NEDD4L: variants seen among roughly 807,000 people sequenced by gnomAD.
NEDD4L encodes E3 ubiquitin-protein ligase NEDD4-like.
A neutral mutation model predicts 148.9 loss-of-function variants in NEDD4L; 54 were observed. The ratio of observed to expected loss-of-function variants is 0.36; its 90% CI spans 0.29 to 0.45. NEDD4L has a LOEUF of 0.45. NEDD4L is among the 20% of genes least tolerant of loss of function. The pLI, the probability that NEDD4L is intolerant of heterozygous loss-of-function variation, is 1.00. For missense variants in NEDD4L, 856 were observed against 1,233.8 expected (o/e 0.69, Z 4.59); for synonymous variants, 433 against 440.7 (o/e 0.98, Z 0.22).
rs141724435 is a variant in NEDD4L, at chr18:58,272,364, A to T, written c.297+20310A>T. Among the ~76,000 whole-genome samples the T allele has an allele frequency of 1.8e-3, 269 of 152,298 alleles. 3 individuals carry two copies. Among genetic ancestry groups the T allele is most frequent in the African/African-American group, 6.2e-3 (256 of 41,574 alleles). On this transcript the variant is annotated intron_variant, in intron 5 of 30. Coordinates refer to ENST00000400345, the MANE Select transcript of NEDD4L (RefSeq NM_001144967.3). ...ATTATTTAATCCAAAGGCCAGGCGT[A>T]GTGACTCACACCTGTAATCCCAGCG...
intron 1 of NEDD4L, among the ~76,000 whole-genome samples, chr18:58,141,723 A>T (rs1204028510): frequency 6.6e-6 from 1 of 152,224 alleles, no homozygotes; most frequent in Non-Finnish European, 1.5e-5. Context: ...ATATATGTGC[A>T]TGCGTCTCAT....
At chr18:58,241,683 T>C (rs2046657682) in intron 2 of NEDD4L, among the ~76,000 whole-genome samples, 1 of 151,978 alleles carries the variant, frequency 6.6e-6, no homozygotes, top group African/African-American at 2.4e-5. Context: ...CACAATCATG[T>C]TTTCATTTCT....
At position 58,347,124 on chromosome 18, in the gene NEDD4L, C is replaced by T. The variant is rs538077113; in HGVS notation, c.1576-2413C>T. On this transcript the variant is annotated intron_variant, in intron 16 of 30. Coordinates refer to ENST00000400345, the MANE Select transcript of NEDD4L (RefSeq NM_001144967.3). ...GCCACTTTAGCAGATCTTTGAAATT[C>T]GGTTGACTTTATACTTCATGCTCTG... is the stretch of plus-strand genomic sequence containing the variant. Among the ~76,000 whole-genome samples the T allele has an allele frequency of 3.3e-5, 5 of 150,262 alleles. No homozygotes were observed. The East Asian group carries it at 7.8e-4, about 24-fold the overall frequency.
chr18:58,248,275 T>C (rs371842082), intron 3 of NEDD4L, among the ~76,000 whole-genome samples: 44 of 152,328 alleles, frequency 2.9e-4, no homozygotes, highest in African/African-American at 1.0e-3. Context: ...TTGTGAGATG[T>C]ACATTTAAGT....
At chr18:58,280,266 G>T (rs1401778900) in intron 5 of NEDD4L, among the ~76,000 whole-genome samples, 1 of 151,966 alleles carries the variant, frequency 6.6e-6, no homozygotes, top group Non-Finnish European at 1.5e-5. Context: ...ACTGTCCAGC[G>T]CATTCCACTG....
intron 2 of NEDD4L, among the ~76,000 whole-genome samples, chr18:58,208,014 G>T (rs766612502): frequency 9.2e-5 from 14 of 152,258 alleles, no homozygotes; most frequent in Non-Finnish European, 1.9e-4. Context: ...CTGCACTCCA[G>T]CCTGAGTGAC....
At chr18:58,172,357 T>A (rs1324385982) in intron 2 of NEDD4L, among the ~76,000 whole-genome samples, 1 of 152,204 alleles carries the variant, frequency 6.6e-6, no homozygotes, top group African/African-American at 2.4e-5. Context: ...TCCTTGGTGT[T>A]TGGCCATGGT....
rs899539955 is a variant in NEDD4L, at chr18:58,391,380, C to T, written c.2753-107C>T. The T allele has an allele frequency of 5.8e-6, 5 of 861,570 alleles. No individual in the cohort carries two copies. The African/African-American group carries it at 8.4e-5, about 14-fold the overall frequency. 53.4% of individuals were successfully genotyped at this position (861,570 alleles called of 1,614,324 possible). A position where few individuals can be genotyped will look rare whatever the true frequency, so the allele number is the denominator to read the frequency against. ...CAGAAGAGAGTGTCTTGGGCCTCAC[C>T]CCTGGGGGCAAACCCTGCCCTGACA... On this transcript the variant is annotated intron_variant, in intron 29 of 30. Coordinates refer to ENST00000400345, the MANE Select transcript of NEDD4L (RefSeq NM_001144967.3).
At chr18:58,086,172 C>T (rs2083748269) in intron 1 of NEDD4L, among the ~76,000 whole-genome samples, 1 of 152,170 alleles carries the variant, frequency 6.6e-6, no homozygotes, top group Non-Finnish European at 1.5e-5. Context: ...TCATCCAGAT[C>T]TTTTGCCAGA....
intron 5 of NEDD4L, among the ~76,000 whole-genome samples, chr18:58,300,959 G>A (rs992447346): frequency 1.3e-5 from 2 of 152,198 alleles, no homozygotes; most frequent in African/African-American, 2.4e-5. Flanking sequence ...ACAGCAGGGT[G>A]TATCTCATAA....
At chr18:58,189,458 G>T (rs112883117) in intron 2 of NEDD4L, among the ~76,000 whole-genome samples, 1 of 152,182 alleles carries the variant, frequency 6.6e-6, no homozygotes, top group Non-Finnish European at 1.5e-5. Context: ...TTCCTTGGGC[G>T]TATTTAACCT....
chr18:58,256,571 G>T lies in NEDD4L; in HGVS notation c.297+4517G>T. ...AGCCCTGGAGGCATCGCCTCGAGCT[G>T]GCAGGATGGCTCCTGAAATCCGCAG... On this transcript the variant is annotated intron_variant, in intron 5 of 30. Coordinates refer to ENST00000400345, the MANE Select transcript of NEDD4L (RefSeq NM_001144967.3). This position sits in a 1 kb window ranked among gnomAD's most constrained non-coding sequence, Gnocchi z 5.2. The T allele has an allele frequency of 8.1e-7, 1 of 1,232,362 alleles. No individual in the cohort carries two copies. The highest frequency in any genetic ancestry group is 1.0e-6 in the Non-Finnish European group (1 of 988,124). 76.3% of individuals were successfully genotyped at this position (1,232,362 alleles called of 1,614,324 possible).
intron 1 of NEDD4L, among the ~76,000 whole-genome samples, chr18:58,066,432 C>T (rs2082601679): frequency 8.2e-6 from 1 of 122,482 alleles, no homozygotes; most frequent in African/African-American, 2.8e-5. Context: ...TCTCTTTCAC[C>T]CAGGCTGAAG....
Position 58,341,771 on chromosome 18 carries a change from A to G in NEDD4L, c.1351A>G (p.Thr451Ala), listed in dbSNP as rs1208361468. Residue 451 changes from threonine (T) to alanine (A), a missense_variant, in exon 15 of 31, where the codon ACA becomes GCA. By Grantham distance (58) the Thr-to-Ala change is moderately conservative. This residue lies in a region of NEDD4L where 367 missense variants were observed against 422.7 expected (regional missense o/e 0.87). Transcript: ENST00000400345. ...CCGGCCTCGTAGCCTCAGCTCGCCA[A>G]CAGTAACTTTATCTGCCCCGCTGGA... is the stretch of plus-strand genomic sequence containing the variant. ...IRRPRSLSSP[T>A]VTLSAPLEGA... 6.2e-7 allele frequency: 1 copy of G among 1,613,652 alleles called. No individual in the cohort carries two copies. Among genetic ancestry groups the G allele is most frequent in the East Asian group, 2.2e-5 (1 of 44,878 alleles).
At chr18:58,167,091 T>A (rs990186926) in intron 2 of NEDD4L, among the ~76,000 whole-genome samples, 5 of 152,238 alleles carry the variant, frequency 3.3e-5, no homozygotes, top group Non-Finnish European at 5.9e-5. Context: ...AAAAAACTGT[T>A]GTACTTAGAA....
intron 1 of NEDD4L, among the ~76,000 whole-genome samples, chr18:58,123,664 A>T (rs2030430226): frequency 6.6e-6 from 1 of 152,166 alleles, no homozygotes; most frequent in Admixed American, 6.5e-5. Context: ...CAGCAGTTTC[A>T]TCGGTTCAGA....
intron 1 of NEDD4L, among the ~76,000 whole-genome samples, chr18:58,049,278 G>A (rs1303911163): frequency 6.6e-6 from 1 of 152,202 alleles, no homozygotes; most frequent in Non-Finnish European, 1.5e-5. Context: ...AGGAACTGGG[G>A]GCCTAGATCA....
intron 1 of NEDD4L, among the ~76,000 whole-genome samples, chr18:58,147,813 T>C: frequency 6.6e-6 from 1 of 152,202 alleles, no homozygotes; most frequent in East Asian, 1.9e-4. Context: ...TTTTCATGCC[T>C]GTGACCTCTC....
chr18:58,332,907 A>G (rs1161269972), intron 11 of NEDD4L, among the ~76,000 whole-genome samples: 6 of 152,214 alleles, frequency 3.9e-5, no homozygotes, highest in Admixed American at 6.5e-5. Context: ...TTAAGACACT[A>G]CACAGTAGAT....
Sources: gnomAD v4.1 joint callset for allele counts (sites outside exome capture counted in the v4.1 genomes callset) on GRCh38, gnomAD v4.1.1 for gene constraint, gnomAD v4.1.1 regional missense constraint, Gnocchi (gnomAD v3.1) non-coding constraint, MANE v1.5 for transcripts, NCBI Gene and HGNC (gene_info 2026-07-23, HGNC 2026-07-21) for gene names.